DGKB: variants seen among roughly 807,000 people sequenced by gnomAD.
The protein encoded by DGKB is diacylglycerol kinase beta, also known as 90 kDa diacylglycerol kinase.
Under a neutral mutation model 114.3 loss-of-function variants are expected in DGKB, and 67 were observed. The ratio of observed to expected loss-of-function variants is 0.59; its 90% CI spans 0.48 to 0.72. The LOEUF is 0.72. Among genes scored for constraint, DGKB ranks in the 30% least tolerant of loss-of-function variants. DGKB has a pLI of 0.00. For synonymous variants in DGKB, 398 were observed against 323.1 expected, an observed-to-expected ratio of 1.23 and a Z score of -2.49; for missense variants, 907 against 975.2, an observed-to-expected ratio of 0.93 and a Z score of 0.93.
rs373836828 is a variant in DGKB, at chr7:14,516,034, G to T, written c.1771-37809C>A. Among the ~76,000 whole-genome samples, 373 of 152,134 alleles carry T rather than the reference G, an allele frequency of 2.5e-3. 2 individuals carry two copies. The highest frequency in any genetic ancestry group is 8.2e-3 in the African/African-American group (342 of 41,496). On this transcript the variant is annotated intron_variant, in intron 20 of 25. Coordinates refer to ENST00000402815, the MANE Select transcript of DGKB (RefSeq NM_001350709.2). ...TGGCTAATTTGTTTATTTTTGGGGG[G>T]ATGGGGTTTTGCCATGTTGCCCAGG...
intron 23 of DGKB, among the ~76,000 whole-genome samples, chr7:14,280,186 C>G (rs574547029): frequency 8.7e-4 from 133 of 152,076 alleles, no homozygotes; most frequent in African/African-American, 3.0e-3. Context: ...GAGCTGAAAA[C>G]CAAGGCTCGA....
intron 2 of DGKB, among the ~76,000 whole-genome samples, chr7:14,799,995 T>G (rs1054215509): frequency 6.6e-6 from 1 of 152,024 alleles, no homozygotes; most frequent in African/African-American, 2.4e-5. Context: ...TGGCTTACTA[T>G]GACCTACGCC....
chr7:14,156,519 T>C (rs891449143), intron 25 of DGKB, among the ~76,000 whole-genome samples: 1 of 152,174 alleles, frequency 6.6e-6, no homozygotes, highest in African/African-American at 2.4e-5. Flanking sequence ...TAATTCCATA[T>C]AATTTTCACA....
At chr7:14,535,378 G>GAAAAAAAAAAAAAAAAAAAAAAAA (rs111762380) in intron 20 of DGKB, among the ~76,000 whole-genome samples, 2 of 123,588 alleles carry the variant, frequency 1.6e-5, no homozygotes, top group African/African-American at 2.9e-5. Context: ...CTTAAAAAAA[G>GAAAAAAAAAAAAAAAAAAAAAAAA]AAAAAAAAAA....
At chr7:14,959,470 C>A (rs1786716512) in intron 1 of DGKB, among the ~76,000 whole-genome samples, 1 of 151,478 alleles carries the variant, frequency 6.6e-6, no homozygotes, top group Admixed American at 6.6e-5. Flanking sequence ...ACATCATAAT[C>A]CAGCTTCTTG....
chr7:14,595,634 A>G (rs1357124857), intron 17 of DGKB, among the ~76,000 whole-genome samples: 1 of 151,188 alleles, frequency 6.6e-6, no homozygotes, highest in South Asian at 2.1e-4. Flanking sequence ...ATCTATAATA[A>G]AAAATCACAT....
chr7:14,749,742 C>T (rs1239756768), intron 4 of DGKB, among the ~76,000 whole-genome samples: 1 of 152,104 alleles, frequency 6.6e-6, no homozygotes, highest in Non-Finnish European at 1.5e-5. Flanking sequence ...CACATAAATC[C>T]TCTAACATTT....
chr7:14,678,158 T>C (rs376252385), intron 12 of DGKB, among the ~76,000 whole-genome samples: 5 of 152,056 alleles, frequency 3.3e-5, no homozygotes, highest in African/African-American at 1.2e-4. Flanking sequence ...GTGATCTTAC[T>C]GAAGACTTTT....
At chr7:14,431,524 A>G (rs2128790368) in intron 21 of DGKB, among the ~76,000 whole-genome samples, 2 of 152,318 alleles carry the variant, frequency 1.3e-5, no homozygotes, top group South Asian at 4.1e-4. Context: ...CACGAACCAA[A>G]GAAACAATTT....
intron 1 of DGKB, among the ~76,000 whole-genome samples, chr7:14,947,246 G>A (rs1325070480): frequency 2.6e-5 from 4 of 151,602 alleles, no homozygotes; most frequent in African/African-American, 9.7e-5. Flanking sequence ...GTATCTGAGA[G>A]CCTAGCAACA....
intron 1 of DGKB, among the ~76,000 whole-genome samples, chr7:14,946,055 T>C (rs999535630): frequency 6.6e-6 from 1 of 151,304 alleles, no homozygotes; most frequent in African/African-American, 2.4e-5. Context: ...AATGTATTAT[T>C]TTGACATTAA....
intron 21 of DGKB, among the ~76,000 whole-genome samples, chr7:14,402,337 C>T (rs1185499126): frequency 6.6e-6 from 1 of 151,838 alleles, no homozygotes; most frequent in Admixed American, 6.6e-5. Flanking sequence ...AAAGATGATA[C>T]TCCTACCCAT....
chr7:14,638,319 C>G (rs1157287527), intron 13 of DGKB, among the ~76,000 whole-genome samples: 2 of 152,226 alleles, frequency 1.3e-5, no homozygotes, highest in African/African-American at 4.8e-5. Flanking sequence ...CTAACATTTC[C>G]TCATCATCAC....
chr7:14,729,164 C>T (rs1345781234), intron 5 of DGKB, among the ~76,000 whole-genome samples: 1 of 141,716 alleles, frequency 7.1e-6, no homozygotes, highest in Non-Finnish European at 1.5e-5. Flanking sequence ...ACTCTGTTGC[C>T]CAGGCTGGAG....
intron 23 of DGKB, among the ~76,000 whole-genome samples, chr7:14,316,188 T>C (rs1466637990): frequency 6.6e-6 from 1 of 151,668 alleles, no homozygotes; most frequent in Admixed American, 6.6e-5. Flanking sequence ...GCAGGAAAGA[T>C]CCAAAACTGA....
At chr7:14,663,653 C>G (rs1017651743) in intron 13 of DGKB, among the ~76,000 whole-genome samples, 6 of 144,970 alleles carry the variant, frequency 4.1e-5, no homozygotes, top group African/African-American at 1.5e-4. Flanking sequence ...TTCCTTCCCT[C>G]CTTCCCTCCT....
intron 21 of DGKB, among the ~76,000 whole-genome samples, chr7:14,413,825 C>T (rs1825277414): frequency 6.6e-6 from 1 of 151,974 alleles, no homozygotes; most frequent in Non-Finnish European, 1.5e-5. Flanking sequence ...TGAAAAACAT[C>T]TTCAGTATTT....
chr7:14,745,950 G>A (rs1268845646), intron 4 of DGKB, among the ~76,000 whole-genome samples: 2 of 152,116 alleles, frequency 1.3e-5, no homozygotes, highest in African/African-American at 4.8e-5. Flanking sequence ...AAAACTTTCT[G>A]AAATTTCTAA....
intron 25 of DGKB, among the ~76,000 whole-genome samples, chr7:14,159,920 C>A (rs1445382698): frequency 6.6e-6 from 1 of 152,096 alleles, no homozygotes; most frequent in Non-Finnish European, 1.5e-5. Flanking sequence ...GATCTGCCTG[C>A]CCTCGGCCTC....
Sources: allele counts gnomAD v4.1 joint callset (sites outside exome capture counted in the v4.1 genomes callset), GRCh38; gene constraint gnomAD v4.1.1; transcripts MANE v1.5; gene names NCBI Gene and HGNC (gene_info 2026-07-23, HGNC 2026-07-21).